Variants in COL14A1 observed in about 807,000 individuals in gnomAD.
The protein encoded by COL14A1 is collagen alpha-1(XIV) chain.
Under a neutral mutation model 230.3 loss-of-function variants are expected in COL14A1, and 136 were observed. The ratio of observed to expected loss-of-function variants is 0.59; its 90% CI spans 0.51 to 0.68. COL14A1 has a LOEUF of 0.68. Ranked by LOEUF, COL14A1 falls within the 30% of genes least tolerant of loss-of-function variation. The pLI, the probability that COL14A1 is intolerant of heterozygous loss-of-function variation, is 0.00. For synonymous variants in COL14A1, 792 were observed against 784.1 expected, an observed-to-expected ratio of 1.01 and a Z score of -0.17; for missense variants, 1,976 against 2,215.8, an observed-to-expected ratio of 0.89 and a Z score of 2.17.
Position 120,371,757 on chromosome 8 carries a change from T to G in COL14A1, c.*526T>G. Reference sequence around the variant, plus strand: ...TCCAACTCTGAGATCACTTGGTAACTGGTTTCATGTGTATCCAAAAATCAG... The same window carrying G: ...TCCAACTCTGAGATCACTTGGTAACGGGTTTCATGTGTATCCAAAAATCAG... On this transcript the variant is annotated 3_prime_UTR_variant, in exon 48 of 48. Coordinates refer to ENST00000297848, the MANE Select transcript of COL14A1 (RefSeq NM_021110.4). 1 of 396,078 alleles carries G rather than the reference T, an allele frequency of 2.5e-6. No homozygotes were observed. 24.5% of individuals were successfully genotyped at this position (396,078 alleles called of 1,614,324 possible). A position where few individuals can be genotyped will look rare whatever the true frequency, so the allele number is the denominator to read the frequency against.
chr8:120,130,473 C>G (rs1304183356), intron 1 of COL14A1, among the ~76,000 whole-genome samples: 1 of 152,086 alleles, frequency 6.6e-6, no homozygotes, highest in Admixed American at 6.6e-5. Context: ...TTTTCTTCTT[C>G]CTTCCCTTAT....
intron 1 of COL14A1, among the ~76,000 whole-genome samples, chr8:120,126,253 G>T (rs1814332390): frequency 6.6e-6 from 1 of 152,226 alleles, no homozygotes. Context: ...GAGCCTGGAG[G>T]CCGCCGGCAG....
intron 38 of COL14A1, among the ~76,000 whole-genome samples, chr8:120,315,149 C>G (rs890515771): frequency 6.6e-6 from 1 of 152,074 alleles, no homozygotes; most frequent in Non-Finnish European, 1.5e-5. Context: ...GCAGGCAGAT[C>G]ACCTGAAGTC....
intron 25 of COL14A1, among the ~76,000 whole-genome samples, chr8:120,268,717 G>A (rs1487344929): frequency 6.6e-6 from 1 of 151,630 alleles, no homozygotes; most frequent in African/African-American, 2.4e-5. Context: ...TAAAAGAACA[G>A]CATTAAAAAC....
chr8:120,350,186 T>C (rs549016784), intron 45 of COL14A1, among the ~76,000 whole-genome samples: 2 of 152,240 alleles, frequency 1.3e-5, no homozygotes, highest in East Asian at 3.9e-4. Context: ...AAGCAAATGC[T>C]GAGAGATTTT....
intron 34 of COL14A1, among the ~76,000 whole-genome samples, chr8:120,293,819 A>G (rs1478247862): frequency 6.6e-6 from 1 of 151,928 alleles, no homozygotes; most frequent in African/African-American, 2.4e-5. Flanking sequence ...CTACCCCCCA[A>G]GTGTGTCTAT....
intron 2 of COL14A1, among the ~76,000 whole-genome samples, chr8:120,152,269 G>A (rs1237469381): frequency 6.6e-6 from 1 of 151,790 alleles, no homozygotes. Flanking sequence ...AGACCATCCT[G>A]GCTAACACGG....
At chr8:120,177,694 C>CTATATATATA (rs3030325) in intron 5 of COL14A1, among the ~76,000 whole-genome samples, 2,100 of 129,334 alleles carry the variant, frequency 0.016, 24 homozygotes, top group Non-Finnish European at 0.024. Flanking sequence ...TATAAAAAGA[C>CTATATATATA]TATATATATA....
At chr8:120,341,288 A>G (rs749571881) in intron 42 of COL14A1, 37 bp from the exon 43 acceptor site, 1 of 1,606,616 alleles carries the variant, frequency 6.2e-7, no homozygotes, top group Non-Finnish European at 8.5e-7. Context: ...GCTAAGTGCA[A>G]TATCATAAGT....
chr8:120,245,047 G>A (rs1313320296), intron 20 of COL14A1, among the ~76,000 whole-genome samples: 7 of 152,004 alleles, frequency 4.6e-5, no homozygotes, highest in African/African-American at 7.3e-5. Context: ...CCTGCCTTAG[G>A]CCCCATGCCC....
At chr8:120,201,034 C>G (rs559581721) in intron 8 of COL14A1, among the ~76,000 whole-genome samples, 1 of 151,366 alleles carries the variant, frequency 6.6e-6, no homozygotes, top group East Asian at 1.9e-4. Context: ...AGTTAGTGCT[C>G]TAAAGAATTT....
intron 14 of COL14A1, among the ~76,000 whole-genome samples, chr8:120,221,796 C>A (rs116731542): frequency 2.0e-3 from 301 of 152,200 alleles, no homozygotes; most frequent in African/African-American, 7.0e-3. Context: ...TCAGGTTTTC[C>A]TTCGGAAAAT....
In COL14A1 at chr8:120,345,592, C is replaced by T. The variant is rs370260486; in HGVS notation, c.5077+29C>T. 1.2e-4 allele frequency: 183 copies of T among 1,485,338 alleles called. 2 individuals carry two copies. Among genetic ancestry groups the T allele is most frequent in the South Asian group, 1.0e-3 (73 of 71,896 alleles). The allele number at this position is 1,485,338 out of a possible 1,614,324, so 92.0% of individuals were successfully genotyped here. A position where few individuals can be genotyped will look rare whatever the true frequency, so the allele number is the denominator to read the frequency against. The stretch of plus-strand genomic sequence containing the variant: ...AGCTGGGCCCCTTCTCTCAGAGGAA[C>T]TCCTCTGAGTTGGGTGCAGGGAAGC... On this transcript the variant is annotated intron_variant, in intron 45 of 47. Transcript: ENST00000297848.
intron 36 of COL14A1, among the ~76,000 whole-genome samples, chr8:120,302,577 G>C (rs912973801): frequency 6.6e-6 from 1 of 151,906 alleles, no homozygotes; most frequent in Non-Finnish European, 1.5e-5. Flanking sequence ...TCTGGGTTCT[G>C]TATTCTATTC....
chr8:120,337,680 G>A (rs1013471061), intron 42 of COL14A1, among the ~76,000 whole-genome samples: 1 of 151,930 alleles, frequency 6.6e-6, no homozygotes, highest in Non-Finnish European at 1.5e-5. Flanking sequence ...TTTACATTTC[G>A]AGTGCTCCTA....
At chr8:120,338,315 AC>A (rs1369614192) in intron 42 of COL14A1, among the ~76,000 whole-genome samples, 1 of 152,214 alleles carries the variant, frequency 6.6e-6, no homozygotes, top group Non-Finnish European at 1.5e-5. Context: ...GGAATAGAAG[AC>A]ATGAGCTGGC....
intron 40 of COL14A1, among the ~76,000 whole-genome samples, chr8:120,324,954 A>C (rs999048022): frequency 6.6e-6 from 1 of 152,142 alleles, no homozygotes; most frequent in Non-Finnish European, 1.5e-5. Context: ...CTACCAAAAA[A>C]TGTTTAGAAA....
chr8:120,244,692 G>C (rs1211043082), intron 20 of COL14A1, among the ~76,000 whole-genome samples: 1 of 152,138 alleles, frequency 6.6e-6, no homozygotes, highest in African/African-American at 2.4e-5. Context: ...ATCTCATCCA[G>C]GTTGCTGCAA....
chr8:120,181,990 T>A (rs963141738), intron 5 of COL14A1, among the ~76,000 whole-genome samples: 1 of 152,152 alleles, frequency 6.6e-6, no homozygotes, highest in African/African-American at 2.4e-5. Context: ...TATGCACTCC[T>A]GATGACAATC....
Sources: gnomAD v4.1 joint callset for allele counts (sites outside exome capture counted in the v4.1 genomes callset) on GRCh38, gnomAD v4.1.1 for gene constraint, MANE v1.5 for transcripts, NCBI Gene and HGNC (gene_info 2026-07-23, HGNC 2026-07-21) for gene names.